SLC4A7: variants seen among roughly 807,000 people sequenced by gnomAD.
The protein encoded by SLC4A7 is solute carrier family 4 member 7.
Under a neutral mutation model 137.6 loss-of-function variants are expected in SLC4A7, and 51 were observed. The observed-to-expected ratio is 0.37, with a 90% CI of 0.30 to 0.47. The LOEUF is 0.47. Ranked by LOEUF, SLC4A7 falls within the 20% of genes least tolerant of loss-of-function variation. SLC4A7 has a pLI of 1.00. For missense variants in SLC4A7, 1,247 were observed against 1,525.4 expected, an observed-to-expected ratio of 0.82 and a Z score of 3.04; for synonymous variants, 542 against 518.6, an observed-to-expected ratio of 1.05 and a Z score of -0.61.
intron 1 of SLC4A7, among the ~76,000 whole-genome samples, chr3:27,466,314 G>A (rs2058993732): frequency 1.3e-5 from 2 of 152,068 alleles, no homozygotes; most frequent in South Asian, 4.1e-4. Context: ...AGCCGGGCGA[G>A]GTGGTGGGCA....
intron 3 of SLC4A7, among the ~76,000 whole-genome samples, chr3:27,448,267 A>T (rs1244402903): frequency 6.6e-6 from 1 of 151,690 alleles, no homozygotes; most frequent in Non-Finnish European, 1.5e-5. Flanking sequence ...CACTTCCATG[A>T]CAGCCTTAGC....
intron 5 of SLC4A7, among the ~76,000 whole-genome samples, chr3:27,434,555 T>A (rs2056585633): frequency 6.6e-6 from 1 of 152,066 alleles, no homozygotes; most frequent in Non-Finnish European, 1.5e-5. Flanking sequence ...TACAGCAATT[T>A]AAAAATAACA....
rs774312832 is a variant in SLC4A7 at position 27,383,235 on chromosome 3, G to T, written c.3508C>A (p.Leu1170Ile). ...KKEKEEAERM[L>I]QDDDDTVHLP... ...TGCACAGTATCATCATCATCTTGAA[G>T]CATCCGTTCAGCTTCCTTTATAACA... Residue 1170 changes from leucine to isoleucine, a missense_variant, in exon 24 of 26, where the codon CTT becomes ATT. Physicochemically the swap from Leu to Ile is conservative, Grantham distance 5. Around this residue, in one of 6 missense-constraint regions of SLC4A7, gnomAD observed 290 missense variants for 323.8 expected, o/e 0.90. Coordinates refer to ENST00000454389, the MANE Select transcript of SLC4A7 (RefSeq NM_001321103.2). 6.2e-7 allele frequency: 1 copy of T among 1,610,148 alleles called. No homozygotes were observed. The highest frequency in any genetic ancestry group is 1.7e-5 in the Admixed American group (1 of 59,686).
chr3:27,373,880 A>C lies in SLC4A7; in HGVS notation c.*2884T>G, dbSNP rs1490758172. ...TTCGTCCTAGACATCTTTACAGAAG[A>C]CTTGGCAAATATGAACAATGGGATG... On this transcript the variant is annotated 3_prime_UTR_variant, in exon 26 of 26. Transcript: ENST00000454389. 6.6e-6 allele frequency: 1 copy of C among 152,612 alleles called. No homozygotes were observed. The highest frequency in any genetic ancestry group is 2.4e-5 in the African/African-American group (1 of 41,472). The allele number at this position is 152,612 out of a possible 1,614,324, so 9.5% of individuals were successfully genotyped here.
In SLC4A7 at chr3:27,404,905, G is replaced by A; in HGVS notation, c.2000C>T (p.Ala667Val). Residue 667 changes from alanine to valine, a missense_variant, in exon 14 of 26, where the codon GCT becomes GTT. Physicochemically the swap from Ala to Val is moderately conservative, Grantham distance 64. Coordinates refer to ENST00000454389, the MANE Select transcript of SLC4A7 (RefSeq NM_001321103.2). ...CCCCAATATTGTTAGAGGTTGCCCA[G>A]CAAACAATGAATAGGCAATCCCAGT... is the stretch of plus-strand genomic sequence containing the variant. ...SLTGIAYSLFAGQPLTILGST... is the reference protein window; with the variant it reads ...SLTGIAYSLFVGQPLTILGST... The A allele has an allele frequency of 6.2e-7, 1 of 1,609,846 alleles. No homozygotes were observed. Among genetic ancestry groups the A allele is most frequent in the Non-Finnish European group, 8.5e-7 (1 of 1,177,980 alleles).
chr3:27,474,546 C>G (rs2059387878), intron 1 of SLC4A7, among the ~76,000 whole-genome samples: 1 of 152,072 alleles, frequency 6.6e-6, no homozygotes, highest in South Asian at 2.1e-4. Context: ...CCGGTCCCTA[C>G]TAAAAATACA....
chr3:27,418,341 C>G, intron 11 of SLC4A7, 145 bp downstream of exon 11: 1 of 619,474 alleles, frequency 1.6e-6, no homozygotes, highest in Non-Finnish European at 2.8e-6. Context: ...AATGGTCCAC[C>G]CACAGGAGGT....
rs1294102019 is a variant in SLC4A7 at position 27,452,556 on chromosome 3, T to C, written c.61-58A>G. On this transcript the variant is annotated intron_variant, in intron 1 of 25. Coordinates refer to ENST00000454389, the MANE Select transcript of SLC4A7 (RefSeq NM_001321103.2). The stretch of plus-strand genomic sequence containing the variant: ...ATCACAATCTATTGAGGACCTATTA[T>C]ATGCATCCTTTGAAATGGCAACAAA... The C allele has an allele frequency of 4.5e-6, 5 of 1,111,218 alleles. No homozygotes were observed. In the South Asian group the frequency reaches 4.5e-5, roughly 10 times the overall value. The allele number at this position is 1,111,218 out of a possible 1,614,324, so 68.8% of individuals were successfully genotyped here. A position where few individuals can be genotyped will look rare whatever the true frequency, so the allele number is the denominator to read the frequency against.
intron 24 of SLC4A7, 24 bp from the exon 25 acceptor site, chr3:27,379,380 G>A (rs1198963573): frequency 7.8e-7 from 1 of 1,288,124 alleles, no homozygotes; most frequent in Non-Finnish European, 1.1e-6. Flanking sequence ...ACACTTTTTG[G>A]TTAGTATTCA....
In SLC4A7 at chr3:27,463,358, A is replaced by T. The variant is rs545647774; in HGVS notation, c.61-10860T>A. Among the ~76,000 whole-genome samples the T allele has an allele frequency of 1.1e-4, 17 of 152,284 alleles. No individual in the cohort carries two copies. The East Asian group carries it at 2.7e-3, about 24-fold the overall frequency. ...GGCAAGAGAATAGCGTGGACCCGGG[A>T]GGCGGAGCTTGCAGTGAGCTGAGAT... On this transcript the variant is annotated intron_variant, in intron 1 of 25. Transcript: ENST00000454389.
In SLC4A7 at chr3:27,431,486, G is replaced by C; in HGVS notation, c.962C>G (p.Ser321Cys). 6.2e-7 allele frequency: 1 copy of C among 1,614,082 alleles called. No individual in the cohort carries two copies. ...PVPTPQNSPP[S>C]SPSISRLTSR... ...GGTCAGGCGGCTGATGCTAGGGCTA[G>C]AAGGAGGACTGTTTTGAGGGGTGGG... Residue 321 changes from serine to cysteine, a missense_variant, in exon 7 of 26, where the codon TCT becomes TGT. By Grantham distance (112) the Ser-to-Cys change is moderately radical. Transcript: ENST00000454389.
rs2058599215 is a variant in SLC4A7, at chr3:27,459,908, G to T, written c.61-7410C>A. ...ACAGTATCTTTCCACAAAAAGAAAAGAATTTTCTCCAACACACCCATATCC... is the reference window on the plus strand; with the variant it reads ...ACAGTATCTTTCCACAAAAAGAAAATAATTTTCTCCAACACACCCATATCC... On this transcript the variant is annotated intron_variant, in intron 1 of 25. Coordinates refer to ENST00000454389, the MANE Select transcript of SLC4A7 (RefSeq NM_001321103.2). Among the ~76,000 whole-genome samples the T allele has an allele frequency of 4.0e-5, 6 of 150,230 alleles. No homozygotes were observed. In the South Asian group the frequency reaches 1.3e-3, roughly 31 times the overall value.
At chr3:27,418,692 T>C (rs777118964) in intron 10 of SLC4A7, 60 bp from the exon 11 acceptor site, 15 of 983,092 alleles carry the variant, frequency 1.5e-5, no homozygotes, top group Non-Finnish European at 2.3e-5. Context: ...CTACACATAG[T>C]AAATCCACTC....
chr3:27,459,839 T>C (rs1421238882), intron 1 of SLC4A7, among the ~76,000 whole-genome samples: 1 of 151,988 alleles, frequency 6.6e-6, no homozygotes, highest in African/African-American at 2.4e-5. Context: ...GTTGCCATTA[T>C]AACTTTAAAT....
intron 11 of SLC4A7, 152 bp from the exon 12 acceptor site, chr3:27,411,900 G>T: frequency 2.5e-6 from 1 of 400,700 alleles, no homozygotes; most frequent in South Asian, 1.1e-4. Flanking sequence ...ACTCTCTTCT[G>T]AAATAGATTG....
intron 11 of SLC4A7, among the ~76,000 whole-genome samples, chr3:27,418,271 A>G (rs1210660769): frequency 1.3e-5 from 2 of 152,198 alleles, no homozygotes; most frequent in Non-Finnish European, 2.9e-5. Flanking sequence ...ACAAGACTAC[A>G]TGTTCATAGT....
At chr3:27,413,740 T>C (rs1445989671) in intron 11 of SLC4A7, among the ~76,000 whole-genome samples, 1 of 152,226 alleles carries the variant, frequency 6.6e-6, no homozygotes, top group Non-Finnish European at 1.5e-5. Flanking sequence ...GGCTCCAATG[T>C]CATTATCTTA....
rs145657267 is a variant in SLC4A7 at position 27,439,309 on chromosome 3, G to A, written c.290-1783C>T. Among the ~76,000 whole-genome samples, 4 of 152,162 alleles carry A rather than the reference G, an allele frequency of 2.6e-5. No individual in the cohort carries two copies. In the East Asian group the frequency reaches 7.7e-4, roughly 29 times the overall value. On this transcript the variant is annotated intron_variant, in intron 3 of 25. Transcript: ENST00000454389. ...GGACAAGGAAAATAAAAGAATAGGA[G>A]GAGAAGCATATAAAAAACATATCTG...
chr3:27,439,509 C>T (rs1039551048), intron 3 of SLC4A7, among the ~76,000 whole-genome samples: 3 of 152,122 alleles, frequency 2.0e-5, no homozygotes, highest in Non-Finnish European at 2.9e-5. Context: ...ACTTTTAGTG[C>T]TACCATAAGC....
Sources: allele counts gnomAD v4.1 joint callset (sites outside exome capture counted in the v4.1 genomes callset), GRCh38; gene constraint gnomAD v4.1.1; regional missense constraint gnomAD v4.1.1; transcripts MANE v1.5; gene names NCBI Gene and HGNC (gene_info 2026-07-23, HGNC 2026-07-21).